The following ACACA variants were observed in gnomAD, a reference collection of about 807,000 sequenced individuals.
ACACA encodes the protein acetyl-CoA carboxylase alpha.
A neutral mutation model predicts 296.1 loss-of-function variants in ACACA; 103 were observed. That is an observed-to-expected ratio of 0.35 (90% CI 0.30 to 0.41). The LOEUF (loss-of-function observed/expected upper bound fraction) is 0.41, where lower values mean the gene tolerates loss of function less well. Ranked by LOEUF, ACACA falls within the 10% of genes least tolerant of loss-of-function variation. The pLI is 1.00. For synonymous variants in ACACA, 953 were observed against 1,038.6 expected, an observed-to-expected ratio of 0.92 and a Z score of 1.58; for missense variants, 1,554 against 2,989.7, an observed-to-expected ratio of 0.52 and a Z score of 11.20.
intron 3 of ACACA, among the ~76,000 whole-genome samples, chr17:37,318,752 T>C (rs188463789): frequency 2.6e-5 from 4 of 152,328 alleles, no homozygotes; most frequent in Non-Finnish European, 5.9e-5. Flanking sequence ...TGGCACATTT[T>C]ACTATTCCAA....
intron 1 of ACACA, among the ~76,000 whole-genome samples, chr17:37,381,478 G>A (rs548227608): frequency 2.0e-5 from 3 of 151,320 alleles, no homozygotes; most frequent in African/African-American, 2.4e-5. Flanking sequence ...TAGCCACTGC[G>A]CCTGGCCAAT....
intron 3 of ACACA, chr17:37,301,523 C>A: frequency 3.0e-6 from 1 of 330,784 alleles, no homozygotes; most frequent in South Asian, 1.2e-4. Flanking sequence ...TACTGCAGCA[C>A]ACACACTGTG....
intron 39 of ACACA, among the ~76,000 whole-genome samples, chr17:37,187,804 G>A (rs151099067): frequency 8.0e-4 from 122 of 152,274 alleles, no homozygotes; most frequent in Non-Finnish European, 1.5e-3. Context: ...ACTGATGATG[G>A]TAGTGCTCAT....
intron 42 of ACACA, among the ~76,000 whole-genome samples, chr17:37,156,285 A>G (rs1256235331): frequency 6.6e-6 from 1 of 151,578 alleles, no homozygotes; most frequent in Non-Finnish European, 1.5e-5. Flanking sequence ...GGATGGTCTC[A>G]ATCTCCTGAC....
chr17:37,255,012 A>G (rs1314926855), intron 14 of ACACA, among the ~76,000 whole-genome samples: 1 of 152,134 alleles, frequency 6.6e-6, no homozygotes, highest in Admixed American at 6.6e-5. Flanking sequence ...GAGGCAGGAG[A>G]ATCACTTGAA....
At chr17:37,371,448 G>C (rs558150647) in intron 1 of ACACA, among the ~76,000 whole-genome samples, 2 of 152,166 alleles carry the variant, frequency 1.3e-5, no homozygotes, top group South Asian at 2.1e-4. Context: ...GAGGACCAGA[G>C]GCACAGACAT....
At chr17:37,387,626 T>G (rs974720292) in intron 1 of ACACA, 2 of 151,682 alleles carry the variant, frequency 1.3e-5, no homozygotes, top group African/African-American at 4.9e-5. Context: ...TTTGTATTTT[T>G]AGTAGAGACG....
intron 47 of ACACA, among the ~76,000 whole-genome samples, chr17:37,126,228 C>T (rs997916368): frequency 6.6e-6 from 1 of 152,072 alleles, no homozygotes; most frequent in African/African-American, 2.4e-5. Flanking sequence ...TAACTGAAGG[C>T]TAAAAACAAC....
intron 35 of ACACA, among the ~76,000 whole-genome samples, chr17:37,199,607 C>T (rs1045345823): frequency 2.0e-5 from 3 of 152,116 alleles, no homozygotes; most frequent in Non-Finnish European, 4.4e-5. Flanking sequence ...TTGGCTCTAT[C>T]AAGGCATTTT....
intron 10 of ACACA, among the ~76,000 whole-genome samples, chr17:37,264,317 CT>C (rs1372955722): frequency 6.6e-6 from 1 of 152,182 alleles, no homozygotes; most frequent in Non-Finnish European, 1.5e-5. Context: ...GGACTTTCAT[CT>C]TTAGTTTTGA....
Position 37,221,807 on chromosome 17 carries a change from A to G in ACACA, c.3600T>C (p.Leu1200=), listed in dbSNP as rs2079307296. Residue 1200 remains leucine (L), a synonymous_variant, in exon 29 of 56, where the codon CTT becomes CTC. Transcript: ENST00000616317. ...YVRRAYIAYE[L]NSVQHRQLKD... ...TAAGCTGGCGGTGTTGTACGCTGTT[A>G]AGTTCATAGGCAATATAAGCCCTTC... 1.9e-6 allele frequency: 3 copies of G among 1,614,146 alleles called. No individual in the cohort carries two copies. The highest frequency in any genetic ancestry group is 2.5e-6 in the Non-Finnish European group (3 of 1,179,982).
chr17:37,302,464 C>G (rs571438145), intron 3 of ACACA, among the ~76,000 whole-genome samples: 1 of 152,114 alleles, frequency 6.6e-6, no homozygotes, highest in Non-Finnish European at 1.5e-5. Context: ...CCCACCTCAG[C>G]CTCCCAAAGT....
At chr17:37,346,316 C>CAAAAA (rs35348805) in intron 1 of ACACA, among the ~76,000 whole-genome samples, 28 of 115,900 alleles carry the variant, frequency 2.4e-4, no homozygotes, top group Non-Finnish European at 4.6e-4. Context: ...GACTCTCTCT[C>CAAAAA]AAAAAAAAAA....
intron 25 of ACACA, among the ~76,000 whole-genome samples, chr17:37,226,913 T>A (rs975985849): frequency 6.6e-6 from 1 of 152,130 alleles, no homozygotes; most frequent in Admixed American, 6.6e-5. Flanking sequence ...AACCAAATTT[T>A]CAGCAACCCA....
chr17:37,087,410 A>T lies in ACACA; in HGVS notation c.7058T>A (p.Met2353Lys). 6.2e-7 allele frequency: 1 copy of T among 1,614,198 alleles called. No individual in the cohort carries two copies. The highest frequency in any genetic ancestry group is 8.5e-7 in the Non-Finnish European group (1 of 1,180,054). ...CTGCGTCATATGGATGATGGAATCC[A>T]TGGCAACCTCTGGATTGGCCTGGAC... The part of the protein sequence containing the change: ...SLVQANPEVA[M>K]DSIIHMTQHI... The change falls in exon 56 of 56, where the codon ATG becomes AAG. Residue 2353 changes from methionine (M) to lysine (K), a missense_variant. Physicochemically the swap from Met to Lys is moderately conservative, Grantham distance 95. This residue lies in a region of ACACA where 553 missense variants were observed against 1,043.6 expected (regional missense o/e 0.53). Transcript: ENST00000616317.
At chr17:37,382,562 C>G (rs2050343548) in intron 1 of ACACA, among the ~76,000 whole-genome samples, 1 of 151,890 alleles carries the variant, frequency 6.6e-6, no homozygotes, top group South Asian at 2.1e-4. Context: ...TACAGAAAAA[C>G]TCTTAAAAAC....
At position 37,097,760 on chromosome 17, in the gene ACACA, T is replaced by A. The variant is rs1176781773; in HGVS notation, c.6720+70A>T. 8.8e-6 allele frequency: 14 copies of A among 1,587,014 alleles called. No homozygotes were observed. Among genetic ancestry groups the A allele is most frequent in the Non-Finnish European group, 1.2e-5 (14 of 1,158,356 alleles). ...CCTCATAGCTCCCTGCTTATGAGCC[T>A]GTGTGCAACACACACACACACTTGC... On this transcript the variant is annotated intron_variant, in intron 53 of 55. Transcript: ENST00000616317. The surrounding 1 kb of genome is among the most constrained non-coding windows in gnomAD (Gnocchi z 4.8).
chr17:37,379,094 AC>A (rs770240690), intron 1 of ACACA: 1 of 1,577,538 alleles, frequency 6.3e-7, no homozygotes, highest in South Asian at 1.2e-5. Flanking sequence ...CAAACAAAAA[AC>A]AAAACCAGCT....
intron 29 of ACACA, among the ~76,000 whole-genome samples, chr17:37,214,401 T>C (rs2078894404): frequency 6.6e-6 from 1 of 152,214 alleles, no homozygotes; most frequent in African/African-American, 2.4e-5. Flanking sequence ...GCCCCTTCTT[T>C]GCTCTGCTGG....
Sources: allele counts gnomAD v4.1 joint callset (sites outside exome capture counted in the v4.1 genomes callset), GRCh38; gene constraint gnomAD v4.1.1; regional missense constraint gnomAD v4.1.1; non-coding constraint Gnocchi (gnomAD v3.1); transcripts MANE v1.5; gene names NCBI Gene and HGNC (gene_info 2026-07-23, HGNC 2026-07-21).